Variants in TBL1X observed in about 807,000 individuals in gnomAD.
The protein encoded by TBL1X is transducin beta like 1 X-linked.
In TBL1X, 10 loss-of-function variants were observed where a neutral mutation model predicts 50.7. That is an observed-to-expected ratio of 0.20 (90% CI 0.12 to 0.33). The LOEUF is 0.33. Ranked by LOEUF, TBL1X falls within the 10% of genes least tolerant of loss-of-function variation. The pLI is 1.00. For missense variants in TBL1X, 340 were observed against 504.4 expected, an observed-to-expected ratio of 0.67 and a Z score of 3.12; for synonymous variants, 190 against 214.7, an observed-to-expected ratio of 0.88 and a Z score of 1.01.
At chrX:9,507,894 T>C (rs935411497) in intron 2 of TBL1X, among the ~76,000 whole-genome samples, 2 of 112,146 alleles carry the variant, frequency 1.8e-5, no homozygotes, top group Admixed American at 9.5e-5. Flanking sequence ...AGCCATATGC[T>C]GAAAACTGAA....
intron 2 of TBL1X, among the ~76,000 whole-genome samples, chrX:9,575,612 G>A (rs2082407543): frequency 1.8e-5 from 2 of 111,813 alleles, no homozygotes; most frequent in South Asian, 3.7e-4. Context: ...ACTGTTTGGC[G>A]ATTGTGAATA....
chrX:9,479,351 C>T (rs192023243), intron 1 of TBL1X, among the ~76,000 whole-genome samples: 127 of 112,242 alleles, frequency 1.1e-3, no homozygotes, highest in African/African-American at 3.9e-3. Flanking sequence ...GAGGCTGAGG[C>T]AAGAGAATCG....
intron 2 of TBL1X, among the ~76,000 whole-genome samples, chrX:9,531,380 T>TGTGC (rs2082160136): frequency 9.4e-6 from 1 of 106,656 alleles, no homozygotes; most frequent in East Asian, 2.9e-4. Flanking sequence ...TGTGTGTGTG[T>TGTGC]GTGTGTGTGT....
chrX:9,518,180 C>T (rs2082090023), intron 2 of TBL1X, among the ~76,000 whole-genome samples: 1 of 111,512 alleles, frequency 9.0e-6, no homozygotes, highest in Admixed American at 9.5e-5. Context: ...TAAAGTTTTA[C>T]TGGAGCTCCG....
In TBL1X at chrX:9,710,844, G is replaced by C. The variant is rs112890751; in HGVS notation, c.1440-767G>C. ...GATCCTCCCACCTTGGCCTCCCAAA[G>C]TACTAGGATTACAGGCATGATCTAC... is the stretch of plus-strand genomic sequence containing the variant. On this transcript the variant is annotated intron_variant, in intron 15 of 17. Coordinates refer to ENST00000645353, the MANE Select transcript of TBL1X (RefSeq NM_005647.4). 1.4e-3 allele frequency among the ~76,000 whole-genome samples: 155 copies of C among 112,141 alleles called. 1 individual carries two copies. The highest frequency in any genetic ancestry group is 4.7e-3 in the African/African-American group (146 of 30,867).
chrX:9,600,089 G>A (rs1025086360), intron 2 of TBL1X, among the ~76,000 whole-genome samples: 6 of 111,844 alleles, frequency 5.4e-5, no homozygotes, highest in Non-Finnish European at 3.8e-5. Context: ...TCACTCACTA[G>A]GACTTCCATT....
rs1249910050 is a variant in TBL1X at position 9,550,274 on chromosome X, A to G, written c.-131+48425A>G. Among the ~76,000 whole-genome samples, 3 of 112,146 alleles carry G rather than the reference A, an allele frequency of 2.7e-5. No individual in the cohort carries two copies. The Admixed American group carries it at 2.8e-4, about 11-fold the overall frequency. On this transcript the variant is annotated intron_variant, in intron 2 of 17. Transcript: ENST00000645353. Reference sequence around the variant, plus strand: ...AAATCCTTCTTGGAGTCATAGTTAAAAGGATAAAATAAGAGCTTTAGTGTA... The same window carrying G: ...AAATCCTTCTTGGAGTCATAGTTAAGAGGATAAAATAAGAGCTTTAGTGTA...
chrX:9,700,773 C>T (rs150024439), intron 12 of TBL1X, among the ~76,000 whole-genome samples: 190 of 111,269 alleles, frequency 1.7e-3, no homozygotes, highest in African/African-American at 5.8e-3. Context: ...TGGTCACCGT[C>T]GGCAGGAAGC....
intron 2 of TBL1X, among the ~76,000 whole-genome samples, chrX:9,610,747 A>C (rs1335354731): frequency 8.9e-6 from 1 of 112,424 alleles, no homozygotes; most frequent in Non-Finnish European, 1.9e-5. Context: ...CTTTAAAGAA[A>C]GCTTCTCAAA....
chrX:9,690,091 T>C (rs1157298900), intron 7 of TBL1X, among the ~76,000 whole-genome samples: 1 of 112,227 alleles, frequency 8.9e-6, no homozygotes, highest in Non-Finnish European at 1.9e-5. Flanking sequence ...CTGTTAACCA[T>C]GGCTAATTGT....
At chrX:9,708,606 G>C (rs1318802586) in intron 13 of TBL1X, among the ~76,000 whole-genome samples, 11 of 109,348 alleles carry the variant, frequency 1.0e-4, no homozygotes, top group African/African-American at 3.7e-4. Flanking sequence ...AAGAGGCCTG[G>C]CATGGTGGCT....
intron 2 of TBL1X, among the ~76,000 whole-genome samples, chrX:9,576,070 A>C (rs1601769416): frequency 8.9e-6 from 1 of 112,177 alleles, no homozygotes; most frequent in Admixed American, 9.4e-5. Context: ...GAAAGTGTCT[A>C]TTTTGTAAAG....
At chrX:9,509,686 A>G (rs2082045787) in intron 2 of TBL1X, among the ~76,000 whole-genome samples, 1 of 108,735 alleles carries the variant, frequency 9.2e-6, no homozygotes, top group Admixed American at 9.9e-5. Flanking sequence ...GGGTTTTACC[A>G]TGTTGCCCAG....
chrX:9,554,262 A>G (rs753130261), intron 2 of TBL1X, among the ~76,000 whole-genome samples: 1 of 112,493 alleles, frequency 8.9e-6, no homozygotes, highest in Non-Finnish European at 1.9e-5. Flanking sequence ...TTCTTAATCC[A>G]CTTACATTGA....
At chrX:9,687,658 C>A (rs1166458657) in intron 6 of TBL1X, among the ~76,000 whole-genome samples, 1 of 108,476 alleles carries the variant, frequency 9.2e-6, no homozygotes, top group South Asian at 4.2e-4. Flanking sequence ...CTAATGCCCC[C>A]CAAGGAGTCA....
chrX:9,495,712 C>T (rs1483386056), intron 1 of TBL1X, among the ~76,000 whole-genome samples: 8 of 111,934 alleles, frequency 7.1e-5, no homozygotes, highest in Non-Finnish European at 3.8e-5. Context: ...GTATTTTCCC[C>T]ATAAGACGCA....
At chrX:9,662,602 T>A (rs1181436866) in intron 5 of TBL1X, among the ~76,000 whole-genome samples, 11 of 111,744 alleles carry the variant, frequency 9.8e-5, no homozygotes, top group African/African-American at 3.6e-4. Context: ...GGGTACAGTT[T>A]CCATTTTGCA....
chrX:9,491,453 G>T (rs60598249), intron 1 of TBL1X, among the ~76,000 whole-genome samples: 2 of 102,829 alleles, frequency 1.9e-5, no homozygotes, highest in East Asian at 6.1e-4. Context: ...TGATTTTCCC[G>T]CCTCAGCCAC....
chrX:9,681,266 C>A (rs893451528), intron 5 of TBL1X, among the ~76,000 whole-genome samples: 3 of 111,748 alleles, frequency 2.7e-5, no homozygotes, highest in Non-Finnish European at 5.6e-5. Flanking sequence ...AGTCTGTGTC[C>A]ATGCAGGGAA....
Sources: allele counts gnomAD v4.1 joint callset (sites outside exome capture counted in the v4.1 genomes callset), GRCh38; gene constraint gnomAD v4.1.1; transcripts MANE v1.5; gene names NCBI Gene and HGNC (gene_info 2026-07-23, HGNC 2026-07-21).